Variants in GANC observed in about 807,000 individuals in gnomAD.
The protein encoded by GANC is neutral alpha-glucosidase C.
GANC carries 117 observed loss-of-function variants against 124.2 expected under a neutral mutation model. That is an observed-to-expected ratio of 0.94 (90% CI 0.81 to 1.10). GANC has a LOEUF of 1.10. Among genes scored for constraint, GANC ranks in the 50% least tolerant of loss-of-function variants. GANC has a pLI of 0.00. For synonymous variants in GANC, 377 were observed against 376.8 expected (o/e 1.00, Z -0.01); for missense variants, 1,140 against 1,095.0 (o/e 1.04, Z -0.58).
At chr15:42,341,385 A>C (rs568303498) in intron 18 of GANC, among the ~76,000 whole-genome samples, 38 of 152,310 alleles carry the variant, frequency 2.5e-4, no homozygotes, top group Admixed American at 2.1e-3. Flanking sequence ...AGGTGGTGAT[A>C]GTAAAAAACC....
At chr15:42,341,480 A>G (rs986224918) in intron 18 of GANC, among the ~76,000 whole-genome samples, 1 of 152,172 alleles carries the variant, frequency 6.6e-6, no homozygotes, top group African/African-American at 2.4e-5. Context: ...AATCCAGAAC[A>G]TAGAATTTTA....
rs922038771 is a variant in GANC at position 42,283,475 on chromosome 15, G to A, written c.202-4216G>A. 52 of 606,670 alleles carry A rather than the reference G, an allele frequency of 8.6e-5. No individual in the cohort carries two copies. In the African/African-American group the frequency reaches 9.1e-4, roughly 11 times the overall value. The allele number at this position is 606,670 out of a possible 1,614,324, so 37.6% of individuals were successfully genotyped here. A position where few individuals can be genotyped will look rare whatever the true frequency, so the allele number is the denominator to read the frequency against. On this transcript the variant is annotated intron_variant, in intron 3 of 23. Transcript: ENST00000318010. Reference sequence around the variant, plus strand: ...TCTTGTGATCTAGGCAAAGGAAAATGTATGCTGTCTTGTGAGTCTAGCTTA... The same window carrying A: ...TCTTGTGATCTAGGCAAAGGAAAATATATGCTGTCTTGTGAGTCTAGCTTA...
At chr15:42,336,622 A>T (rs1050338088) in intron 15 of GANC, among the ~76,000 whole-genome samples, 1 of 152,244 alleles carries the variant, frequency 6.6e-6, no homozygotes, top group Non-Finnish European at 1.5e-5. Context: ...ACAAAAGCAA[A>T]ATTGACAAAT....
chr15:42,336,431 T>C (rs1270052305), intron 15 of GANC, among the ~76,000 whole-genome samples: 2 of 152,224 alleles, frequency 1.3e-5, no homozygotes, highest in Non-Finnish European at 1.5e-5. Context: ...GCAAGCCATA[T>C]GCAGAAGATT....
chr15:42,329,757 T>C (rs1027445726), intron 14 of GANC, among the ~76,000 whole-genome samples: 2 of 152,218 alleles, frequency 1.3e-5, no homozygotes, highest in African/African-American at 4.8e-5. Context: ...CAAACTTTTA[T>C]TGATGCAAGC....
intron 11 of GANC, among the ~76,000 whole-genome samples, chr15:42,324,356 T>TA (rs2052183085): frequency 6.6e-6 from 1 of 152,174 alleles, no homozygotes; most frequent in Non-Finnish European, 1.5e-5. Context: ...GTACAGCTGT[T>TA]ATGGAAAACA....
At position 42,353,525 on chromosome 15, in the gene GANC, C is replaced by T; in HGVS notation, c.*1386C>T. On this transcript the variant is annotated 3_prime_UTR_variant, in exon 24 of 24. Coordinates refer to ENST00000318010, the MANE Select transcript of GANC (RefSeq NM_198141.3). The stretch of plus-strand genomic sequence containing the variant: ...ATGTTTTCAGTATGTCTGCGTTCTC[C>T]TACTAGATTGTATGTCCCTCAAGAG... 1 of 969,806 alleles carries T rather than the reference C, an allele frequency of 1.0e-6. No individual in the cohort carries two copies. The highest frequency in any genetic ancestry group is 1.2e-6 in the Non-Finnish European group (1 of 815,786). 60.1% of individuals were successfully genotyped at this position (969,806 alleles called of 1,614,324 possible). A position where few individuals can be genotyped will look rare whatever the true frequency, so the allele number is the denominator to read the frequency against.
chr15:42,327,442 G>A lies in GANC; in HGVS notation c.1500G>A (p.Gln500=). Residue 500 remains glutamine, a splice_region_variant and synonymous_variant, in exon 13 of 24, where the codon CAG becomes CAA. Transcript: ENST00000318010. ...YSSLFAFPVY[Q]GSTDILFLWN... ...GTCTTTTTGCTTTCCCTGTTTATCA[G>A]GTTGGTTTTTATTCCTTTGTTCTTT... 1 of 1,612,282 alleles carries A rather than the reference G, an allele frequency of 6.2e-7. No homozygotes were observed.
chr15:42,330,961 T>C (rs2052240216), intron 15 of GANC, among the ~76,000 whole-genome samples: 1 of 151,832 alleles, frequency 6.6e-6, no homozygotes, highest in South Asian at 2.1e-4. Flanking sequence ...CTAATTTATA[T>C]ATGTATATGT....
At chr15:42,335,508 C>T (rs2052277016) in intron 15 of GANC, among the ~76,000 whole-genome samples, 1 of 152,200 alleles carries the variant, frequency 6.6e-6, no homozygotes, top group South Asian at 2.1e-4. Context: ...CAGCCCACAT[C>T]ATACTAAATG....
At chr15:42,281,553 T>C (rs2051734370) in intron 3 of GANC, among the ~76,000 whole-genome samples, 1 of 151,920 alleles carries the variant, frequency 6.6e-6, no homozygotes, top group Non-Finnish European at 1.5e-5. Flanking sequence ...GGCAGGGTGA[T>C]GCATGCCTGT....
intron 5 of GANC, 29 bp downstream of exon 5, chr15:42,292,946 A>G (rs780620719): frequency 3.8e-6 from 6 of 1,593,750 alleles, no homozygotes; most frequent in Non-Finnish European, 5.2e-6. Flanking sequence ...TGACACATAA[A>G]GACCTTAACA....
At chr15:42,338,148 T>C (rs1464227317) in intron 15 of GANC, among the ~76,000 whole-genome samples, 1 of 150,190 alleles carries the variant, frequency 6.7e-6, no homozygotes, top group Non-Finnish European at 1.5e-5. Context: ...ACCTAAATTA[T>C]ACTTAAAAAA....
chr15:42,322,805 C>G lies in GANC; in HGVS notation c.1293+785C>G, dbSNP rs1228194850. Among the ~76,000 whole-genome samples, 6 of 151,986 alleles carry G rather than the reference C, an allele frequency of 3.9e-5. No homozygotes were observed. The East Asian group carries it at 1.2e-3, about 29-fold the overall frequency. ...ACATGTATAATGCTGCTTTCCAGTT[C>G]CAGGAGTGGTGGTGGTGGTAATAGC... On this transcript the variant is annotated intron_variant, in intron 11 of 23. Transcript: ENST00000318010.
chr15:42,343,423 T>G, intron 19 of GANC: 1 of 407,504 alleles, frequency 2.5e-6, no homozygotes, highest in Non-Finnish European at 4.5e-6. Context: ...TGAGTCCTGA[T>G]AAACACACCG....
intron 4 of GANC, among the ~76,000 whole-genome samples, chr15:42,288,255 C>T (rs138751572): frequency 8.3e-4 from 126 of 152,230 alleles, no homozygotes; most frequent in African/African-American, 2.9e-3. Flanking sequence ...TACTATTGGA[C>T]GGACTCACTT....
At chr15:42,332,570 A>G (rs1000149584) in intron 15 of GANC, among the ~76,000 whole-genome samples, 3 of 152,208 alleles carry the variant, frequency 2.0e-5, no homozygotes, top group African/African-American at 7.2e-5. Context: ...ATAGTATGAG[A>G]CATGAAAATA....
chr15:42,329,610 T>C, intron 14 of GANC, 161 bp downstream of exon 14: 1 of 495,018 alleles, frequency 2.0e-6, no homozygotes, highest in Middle Eastern at 5.5e-4. Context: ...ATACAAGACT[T>C]TTTATTATTT....
intron 17 of GANC, among the ~76,000 whole-genome samples, chr15:42,340,244 T>A (rs1354312092): frequency 6.6e-6 from 1 of 152,210 alleles, no homozygotes; most frequent in African/African-American, 2.4e-5. Context: ...AAGAATAACT[T>A]ATTTTGCCAG....
Sources: allele counts gnomAD v4.1 joint callset (sites outside exome capture counted in the v4.1 genomes callset), GRCh38; gene constraint gnomAD v4.1.1; transcripts MANE v1.5; gene names NCBI Gene and HGNC (gene_info 2026-07-23, HGNC 2026-07-21).